ANTXRL: variants seen among roughly 807,000 people sequenced by gnomAD.
ANTXRL encodes the protein anthrax toxin receptor-like.
ANTXRL carries 63 observed loss-of-function variants against 75.4 expected under a neutral mutation model. The ratio of observed to expected loss-of-function variants is 0.84; its 90% CI spans 0.68 to 1.03. The LOEUF is 1.03. Ranked by LOEUF, ANTXRL falls within the 50% of genes least tolerant of loss-of-function variation. The pLI, the probability that ANTXRL is intolerant of heterozygous loss-of-function variation, is 0.00. For synonymous variants in ANTXRL, 335 were observed against 291.3 expected, an observed-to-expected ratio of 1.15 and a Z score of -1.53; for missense variants, 797 against 789.4, an observed-to-expected ratio of 1.01 and a Z score of -0.12.
intron 7 of ANTXRL, 139 bp from the exon 8 acceptor site, chr10:46,297,692 G>T (rs1375083556): frequency 3.4e-6 from 3 of 893,498 alleles, no homozygotes; most frequent in Non-Finnish European, 5.2e-6. Context: ...TGGGCTGCTG[G>T]CTGGAGAAGT....
In ANTXRL at chr10:46,297,869, A is replaced by T; in HGVS notation, c.693A>T (p.Ala231=). 4 of 1,535,876 alleles carry T rather than the reference A, an allele frequency of 2.6e-6. No homozygotes were observed. Among genetic ancestry groups the T allele is most frequent in the Admixed American group, 2.0e-5 (1 of 50,978 alleles). Residue 231 remains alanine (A), a synonymous_variant, in exon 8 of 17, where the codon GCA becomes GCT. Transcript: ENST00000620264. ...CAGACAGCCCTGGCCACGTGTTTGC[A>T]GTGGAGAATGGCTTCAAGGCCCTGA... ...AIADSPGHVF[A]VENGFKALRS...
At position 46,287,011 on chromosome 10, in the gene ANTXRL, C is replaced by G. The variant is rs1836791641; in HGVS notation, c.-252C>G. The G allele has an allele frequency of 1.8e-6, 1 of 557,764 alleles. No homozygotes were observed. The highest frequency in any genetic ancestry group is 3.2e-6 in the Non-Finnish European group (1 of 315,300). 34.6% of individuals were successfully genotyped at this position (557,764 alleles called of 1,614,324 possible). A position where few individuals can be genotyped will look rare whatever the true frequency, so the allele number is the denominator to read the frequency against. On this transcript the variant is annotated 5_prime_UTR_variant, in exon 1 of 17. Transcript: ENST00000620264. ...TTCCTGTCAACCATAACAGAGAATTCTGTCCCCAGGGTGGGGGAAGGGCCA... is the reference window on the plus strand; with the variant it reads ...TTCCTGTCAACCATAACAGAGAATTGTGTCCCCAGGGTGGGGGAAGGGCCA...
chr10:46,319,657 G>A (rs955503361), intron 16 of ANTXRL, among the ~76,000 whole-genome samples: 4 of 152,088 alleles, frequency 2.6e-5, no homozygotes, highest in Non-Finnish European at 5.9e-5. Flanking sequence ...ATTCATCTTT[G>A]TTGTTAGCCT....
chr10:46,289,226 A>G (rs541770719), intron 1 of ANTXRL, among the ~76,000 whole-genome samples: 28 of 152,250 alleles, frequency 1.8e-4, no homozygotes, highest in African/African-American at 6.3e-4. Context: ...TCAGCCTCCC[A>G]TGCGCTCCTA....
rs1212861856 is a variant in ANTXRL at position 46,296,663 on chromosome 10, T to A, written c.508+411T>A. On this transcript the variant is annotated intron_variant, in intron 5 of 16. Coordinates refer to ENST00000620264, the MANE Select transcript of ANTXRL (RefSeq NM_001278688.3). ...CAGAAGGCTGTCCAGGGCCCCCAAC[T>A]TCCCTCCCCACTGTGTTGCTGCAGC... 7.2e-5 allele frequency among the ~76,000 whole-genome samples: 11 copies of A among 152,074 alleles called. 1 individual carries two copies. Among genetic ancestry groups the A allele is most frequent in the African/African-American group, 2.7e-4 (11 of 41,400 alleles).
At chr10:46,319,844 A>G (rs1160825824) in intron 16 of ANTXRL, among the ~76,000 whole-genome samples, 9 of 152,164 alleles carry the variant, frequency 5.9e-5, no homozygotes. Flanking sequence ...GGCAGAGTCT[A>G]AGAAAACAGT....
At chr10:46,288,148 C>T (rs1183682306) in intron 1 of ANTXRL, among the ~76,000 whole-genome samples, 1 of 152,132 alleles carries the variant, frequency 6.6e-6, no homozygotes, top group East Asian at 1.9e-4. Context: ...AAATGTTCAG[C>T]TTTGGAGAGA....
chr10:46,286,308 G>C (rs1200067685), upstream of ANTXRL: 1 of 152,164 alleles, frequency 6.6e-6, no homozygotes, highest in African/African-American at 2.4e-5. Context: ...GGACCTCTGG[G>C]CCACCTGTAA....
chr10:46,313,885 C>T (rs1332792424), intron 16 of ANTXRL, among the ~76,000 whole-genome samples: 11 of 152,172 alleles, frequency 7.2e-5, no homozygotes, highest in Admixed American at 5.9e-4. Context: ...AGTGATAGGG[C>T]TGGATGTGAA....
At chr10:46,297,594 A>ACT in intron 7 of ANTXRL, 120 bp downstream of exon 7, 3 of 1,025,614 alleles carry the variant, frequency 2.9e-6, no homozygotes, top group Non-Finnish European at 4.3e-6. Flanking sequence ...GGGCCAACTC[A>ACT]TGGCCACTGC....
intron 2 of ANTXRL, 88 bp downstream of exon 2, chr10:46,292,217 G>T: frequency 1.6e-6 from 2 of 1,288,892 alleles, no homozygotes; most frequent in Non-Finnish European, 2.2e-6. Flanking sequence ...ATCAGATGGG[G>T]TGGGCGTGGG....
At chr10:46,313,818 G>A (rs1838571369) in intron 16 of ANTXRL, among the ~76,000 whole-genome samples, 1 of 152,166 alleles carries the variant, frequency 6.6e-6, no homozygotes, top group Admixed American at 6.5e-5. Flanking sequence ...CCAGTTTGGT[G>A]AAGGGGACAA....
intron 16 of ANTXRL, among the ~76,000 whole-genome samples, chr10:46,320,387 G>A (rs547162000): frequency 6.6e-6 from 1 of 152,256 alleles, no homozygotes; most frequent in African/African-American, 2.4e-5. Flanking sequence ...TAGGCCCTTA[G>A]GGGTTGGAGA....
rs1837790632 is a variant in ANTXRL at position 46,302,188 on chromosome 10, A to T, written c.797-534A>T. ...CTGCCCCACCTGAGTCCTGGCCCTG[A>T]TGCTGTGGGTGTCCTGCCTGCCACA... is the stretch of plus-strand genomic sequence containing the variant. On this transcript the variant is annotated intron_variant, in intron 9 of 16. Transcript: ENST00000620264. Among the ~76,000 whole-genome samples, 3 of 151,442 alleles carry T rather than the reference A, an allele frequency of 2.0e-5. No individual in the cohort carries two copies. In the South Asian group the frequency reaches 6.2e-4, roughly 31 times the overall value.
Position 46,329,923 on chromosome 10 carries a change from C to T in ANTXRL, c.1735C>T (p.Pro579Ser), listed in dbSNP as rs1433094945. The change falls in exon 17 of 17, where the codon CCC becomes TCC. Residue 579 changes from proline (P) to serine (S), a missense_variant. By Grantham distance (74) the Pro-to-Ser change is moderately conservative (BLOSUM62 -1). Coordinates refer to ENST00000620264, the MANE Select transcript of ANTXRL (RefSeq NM_001278688.3). ...GTGCAACCCAAAGAGCTGCCTTCAA[C>T]CCAGCCGGGAGTGCCTCCCCCTCAC... Reference protein sequence around the residue: ...TLCNPKSCLQPSRECLPLTCS... With the variant: ...TLCNPKSCLQSSRECLPLTCS... 1 of 1,535,824 alleles carries T rather than the reference C, an allele frequency of 6.5e-7. No homozygotes were observed. The highest frequency in any genetic ancestry group is 8.7e-7 in the Non-Finnish European group (1 of 1,146,750).
intron 15 of ANTXRL, among the ~76,000 whole-genome samples, chr10:46,312,883 C>T: frequency 6.6e-6 from 1 of 151,966 alleles, no homozygotes; most frequent in African/African-American, 2.4e-5. Flanking sequence ...AAGGCTCCTT[C>T]TCCCTGCCCA....
At chr10:46,314,421 T>C (rs763192392) in intron 16 of ANTXRL, among the ~76,000 whole-genome samples, 4 of 152,002 alleles carry the variant, frequency 2.6e-5, no homozygotes, top group Non-Finnish European at 5.9e-5. Flanking sequence ...TAGTCCAGCC[T>C]TATGCACTGA....
At chr10:46,311,766 G>C in intron 15 of ANTXRL, 101 bp downstream of exon 15, 1 of 590,692 alleles carries the variant, frequency 1.7e-6, no homozygotes, top group Middle Eastern at 3.5e-4. Flanking sequence ...CTGGAGGAAG[G>C]CAGGCTCTAC....
At chr10:46,295,722 G>T (rs1279494041) in intron 3 of ANTXRL, among the ~76,000 whole-genome samples, 3 of 152,154 alleles carry the variant, frequency 2.0e-5, no homozygotes, top group African/African-American at 7.2e-5. Flanking sequence ...CCCCATTGCA[G>T]TTCCTGACTC....
Sources: allele counts gnomAD v4.1 joint callset (sites outside exome capture counted in the v4.1 genomes callset), GRCh38; gene constraint gnomAD v4.1.1; transcripts MANE v1.5; gene names NCBI Gene and HGNC (gene_info 2026-07-23, HGNC 2026-07-21).